CELSR1: variants seen among roughly 807,000 people sequenced by gnomAD.
The protein encoded by CELSR1 is adhesion G protein-coupled receptor C1.
A neutral mutation model predicts 249.1 loss-of-function variants in CELSR1; 110 were observed. That is an observed-to-expected ratio of 0.44 (90% CI 0.38 to 0.52). The LOEUF (loss-of-function observed/expected upper bound fraction) is 0.52. Ranked by LOEUF, CELSR1 falls within the 20% of genes least tolerant of loss-of-function variation. The pLI is 0.00. For synonymous variants in CELSR1, 2,113 were observed against 1,900.0 expected (o/e 1.11, Z -2.92); for missense variants, 4,109 against 4,296.4 (o/e 0.96, Z 1.22).
intron 1 of CELSR1, among the ~76,000 whole-genome samples, chr22:46,498,545 G>A (rs1476261327): frequency 2.6e-5 from 4 of 151,468 alleles, no homozygotes; most frequent in African/African-American, 4.9e-5. Context: ...TCCAGGAGGC[G>A]GAGGTTGTAG....
intron 22 of CELSR1, among the ~76,000 whole-genome samples, chr22:46,379,423 A>C (rs2078953447): frequency 6.6e-6 from 1 of 152,248 alleles, no homozygotes; most frequent in Non-Finnish European, 1.5e-5. Context: ...GTTTGGCACA[A>C]ACTTTACAAT....
chr22:46,369,917 G>A, intron 25 of CELSR1, 113 bp from the exon 26 acceptor site: 1 of 886,638 alleles, frequency 1.1e-6, no homozygotes, highest in Non-Finnish European at 1.8e-6. Flanking sequence ...TCCCTTCTCA[G>A]AGGAAGGAGC....
Position 46,490,539 on chromosome 22 carries a change from C to T in CELSR1, c.3545-26194G>A, listed in dbSNP as rs5767220. The stretch of plus-strand genomic sequence containing the variant: ...TGACCGCAGGCGAGCCGCCCCCCTC[C>T]GCCTCCCAAAATGTTGAGATCAGCC... On this transcript the variant is annotated intron_variant, in intron 1 of 34. Transcript: ENST00000674500. This position sits in a 1 kb window ranked among gnomAD's most constrained non-coding sequence, Gnocchi z 5.2. Among the ~76,000 whole-genome samples the T allele has an allele frequency of 1.3e-5, 2 of 151,804 alleles. No homozygotes were observed. The highest frequency in any genetic ancestry group is 2.0e-4 in the East Asian group (1 of 5,108).
chr22:46,372,970 G>A lies in CELSR1; in HGVS notation c.7672C>T (p.Arg2558Cys), dbSNP rs770996326. The A allele has an allele frequency of 1.1e-5, 18 of 1,613,372 alleles. No homozygotes were observed. Among genetic ancestry groups the A allele is most frequent in the Non-Finnish European group, 1.2e-5 (14 of 1,179,886 alleles). ...WTLVESLHVY[R>C]MLTEVRNIDT... ...ATGTTGCGCACCTCGGTCAGCATGC[G>A]GTAGACATGCAGGCTCTCCACGAGG... Residue 2558 changes from arginine to cysteine, a missense_variant, in exon 25 of 35, where the codon CGC (arginine) becomes TGC (cysteine). By Grantham distance (180) the Arg-to-Cys change is radical (BLOSUM62 -3). This residue lies in a region of CELSR1 where 1,805 missense variants were observed against 1,831.6 expected (regional missense o/e 0.99). Transcript: ENST00000674500.
rs1240915405 is a variant in CELSR1 at position 46,512,453 on chromosome 22, T to C, written c.3544+21174A>G. Among the ~76,000 whole-genome samples, 1 of 152,166 alleles carries C rather than the reference T, an allele frequency of 6.6e-6. No homozygotes were observed. On this transcript the variant is annotated intron_variant, in intron 1 of 34. Transcript: ENST00000674500. This position sits in a 1 kb window ranked among gnomAD's most constrained non-coding sequence, Gnocchi z 5.2. Reference sequence around the variant, plus strand: ...CCGGTGTGGTGGTGTACACCTATAATCCCAGCTACGTAGAAGGCTGAGGCA... The same window carrying C: ...CCGGTGTGGTGGTGTACACCTATAACCCCAGCTACGTAGAAGGCTGAGGCA...
At chr22:46,373,421 C>CA (rs562998164) in intron 24 of CELSR1, among the ~76,000 whole-genome samples, 78 of 123,980 alleles carry the variant, frequency 6.3e-4, no homozygotes, top group African/African-American at 2.1e-3. Context: ...CTGGGCGGGG[C>CA]GGGGGGGCAG....
chr22:46,429,348 C>A lies in CELSR1; in HGVS notation c.4611+4045G>T, dbSNP rs997594601. ...AACCAGCCTTGAGGGAAAAAACAAA[C>A]AAACAAACAAACAAAAAACCAGCCT... On this transcript the variant is annotated intron_variant, in intron 5 of 34. Transcript: ENST00000674500. The surrounding 1 kb of genome is among the most constrained non-coding windows in gnomAD (Gnocchi z 4.1). Among the ~76,000 whole-genome samples, 5 of 152,128 alleles carry A rather than the reference C, an allele frequency of 3.3e-5. No individual in the cohort carries two copies. Among genetic ancestry groups the A allele is most frequent in the Admixed American group, 1.3e-4 (2 of 15,278 alleles).
chr22:46,516,570 C>A (rs1019277490), intron 1 of CELSR1, among the ~76,000 whole-genome samples: 4 of 152,100 alleles, frequency 2.6e-5, no homozygotes, highest in South Asian at 4.2e-4. Flanking sequence ...GAACTCCTGG[C>A]CTCAAGCAAG....
intron 1 of CELSR1, among the ~76,000 whole-genome samples, chr22:46,529,587 G>C (rs1011559645): frequency 6.6e-6 from 1 of 152,010 alleles, no homozygotes; most frequent in Non-Finnish European, 1.5e-5. Context: ...CAGATCACTT[G>C]AGGTCAGGAG....
rs2078979184 is a variant in CELSR1, at chr22:46,381,698, A to G, written c.7088+148T>C. 2.7e-6 allele frequency: 2 copies of G among 739,098 alleles called. No individual in the cohort carries two copies. The highest frequency in any genetic ancestry group is 3.5e-5 in the African/African-American group (2 of 56,486). The allele number at this position is 739,098 out of a possible 1,614,324, so 45.8% of individuals were successfully genotyped here. On this transcript the variant is annotated intron_variant, in intron 21 of 34. Coordinates refer to ENST00000674500, the MANE Select transcript of CELSR1 (RefSeq NM_001378328.1). This position sits in a 1 kb window ranked among gnomAD's most constrained non-coding sequence, Gnocchi z 6.0. ...AGAATCTCCCTCCAAGGACCACCAC[A>G]AGGCAATGGTCTCTGTCTCTGGGCC...
Position 46,517,307 on chromosome 22 carries a change from T to C in CELSR1, c.3544+16320A>G, listed in dbSNP as rs1460429824. ...AAAACAGGAGGGAAGAGAGAATTCC[T>C]GCCACAAATGCAATGGGTTTCCCGG... On this transcript the variant is annotated intron_variant, in intron 1 of 34. Transcript: ENST00000674500. The surrounding 1 kb of genome is among the most constrained non-coding windows in gnomAD (Gnocchi z 5.4). 6.6e-6 allele frequency among the ~76,000 whole-genome samples: 1 copy of C among 152,250 alleles called. No individual in the cohort carries two copies. Among genetic ancestry groups the C allele is most frequent in the Non-Finnish European group, 1.5e-5 (1 of 68,040 alleles).
chr22:46,368,535 G>A lies in CELSR1; in HGVS notation c.7952+644C>T, dbSNP rs542302551. Among the ~76,000 whole-genome samples the A allele has an allele frequency of 1.5e-4, 23 of 151,410 alleles. No individual in the cohort carries two copies. The South Asian group carries it at 4.8e-3, about 32-fold the overall frequency. ...ACTCCTCCTGACACCCAGCCCCTGC[G>A]CAAGCATTATCCCTTCGCCCATCCC... On this transcript the variant is annotated intron_variant, in intron 27 of 34. Transcript: ENST00000674500.
rs1312865139 is a variant in CELSR1 at position 46,536,890 on chromosome 22, G to T, written c.281C>A (p.Ala94Asp). Residue 94 changes from alanine (A) to aspartate (D), a missense_variant, in exon 1 of 35, where the codon GCC becomes GAC. Around this residue, in one of 7 missense-constraint regions of CELSR1, gnomAD observed 673 missense variants for 636.8 expected, o/e 1.06. Transcript: ENST00000674500. Reference sequence around the variant, plus strand: ...GCTCAGCGCCGTCGGGGCACTGCGGGCCACCAAGCGGACTTGCAGCGGCAG... The same window carrying T: ...GCTCAGCGCCGTCGGGGCACTGCGGTCCACCAAGCGGACTTGCAGCGGCAG... ...RPLPLQVRLVARSAPTALSRR... is the reference protein window; with the variant it reads ...RPLPLQVRLVDRSAPTALSRR... 1.1e-5 allele frequency: 13 copies of T among 1,223,128 alleles called. No homozygotes were observed. Among genetic ancestry groups the T allele is most frequent in the African/African-American group, 1.6e-5 (1 of 62,062 alleles). 75.8% of individuals were successfully genotyped at this position (1,223,128 alleles called of 1,614,324 possible).
Position 46,533,718 on chromosome 22 carries a change from C to G in CELSR1, c.3453G>C (p.Leu1151Phe). 1 of 1,612,856 alleles carries G rather than the reference C, an allele frequency of 6.2e-7. No homozygotes were observed. The highest frequency in any genetic ancestry group is 8.5e-7 in the Non-Finnish European group (1 of 1,179,956). The change falls in exon 1 of 35, where the codon TTG (leucine) becomes TTC (phenylalanine). Residue 1151 changes from leucine (L) to phenylalanine (F), a missense_variant. Coordinates refer to ENST00000674500, the MANE Select transcript of CELSR1 (RefSeq NM_001378328.1). ...GTTCGCCCGTGGCGGGGTCCAGCAG[C>G]AACAGGCGCAGCTCGTTGCCCTGCA... ...TFVQGNELRL[L>F]LLDPATGELQ...
rs184666779 is a variant in CELSR1 at position 46,368,804 on chromosome 22, C to A, written c.7952+375G>T. On this transcript the variant is annotated intron_variant, in intron 27 of 34. Coordinates refer to ENST00000674500, the MANE Select transcript of CELSR1 (RefSeq NM_001378328.1). ...ACAGTGGGGTGGGGGGGTCTCCTCCCCTCCAGTGGCCTCAGCAACACCCTC... is the reference window on the plus strand; with the variant it reads ...ACAGTGGGGTGGGGGGGTCTCCTCCACTCCAGTGGCCTCAGCAACACCCTC... 4.3e-3 allele frequency among the ~76,000 whole-genome samples: 656 copies of A among 152,170 alleles called. 3 individuals are homozygous for A. Among genetic ancestry groups the A allele is most frequent in the African/African-American group, 0.015 (632 of 41,518 alleles).
In CELSR1 at chr22:46,384,571, G is replaced by C; in HGVS notation, c.6855C>G (p.Ala2285=). 1 of 1,612,810 alleles carries C rather than the reference G, an allele frequency of 6.2e-7. No homozygotes were observed. The highest frequency in any genetic ancestry group is 1.3e-5 in the African/African-American group (1 of 75,000). The part of the protein sequence containing the change: ...RELESSVSFP[A]DFFRPPEEKE... ...TTTCTTCAGGTGGTCTGAAGAAGTC[G>C]GCTGGGAAGGAGACGGAGGACTCCA... The change falls in exon 20 of 35, where the codon GCC becomes GCG. Residue 2285 remains alanine, a synonymous_variant. Transcript: ENST00000674500.
In CELSR1 at chr22:46,439,369, T is replaced by C. The variant is rs368520173; in HGVS notation, c.4226A>G (p.Asn1409Ser). The change falls in exon 3 of 35, where the codon AAC becomes AGC. Residue 1409 changes from asparagine (N) to serine (S), a missense_variant. Physicochemically the swap from Asn to Ser is conservative, Grantham distance 46 (BLOSUM62 1). Transcript: ENST00000674500. ...GGTGCCCCCGTTCTTGCACACCCCGTTGGCACAGCGGCCTGAGCGGGCATC... is the reference window on the plus strand; with the variant it reads ...GGTGCCCCCGTTCTTGCACACCCCGCTGGCACAGCGGCCTGAGCGGGCATC... ...EVDARSGRCANGVCKNGGTCV... is the reference protein window; with the variant it reads ...EVDARSGRCASGVCKNGGTCV... The C allele has an allele frequency of 1.9e-6, 3 of 1,613,708 alleles. No homozygotes were observed. Among genetic ancestry groups the C allele is most frequent in the African/African-American group, 2.7e-5 (2 of 74,890 alleles).
In CELSR1 at chr22:46,484,524, A is replaced by T. The variant is rs568597102; in HGVS notation, c.3545-20179T>A. ...TACCAGGGAGAGGCTATATTAAGCC[A>T]CTGACCCCTGATAGGGTTAGTGCCT... On this transcript the variant is annotated intron_variant, in intron 1 of 34. Coordinates refer to ENST00000674500, the MANE Select transcript of CELSR1 (RefSeq NM_001378328.1). The surrounding 1 kb of genome is among the most constrained non-coding windows in gnomAD (Gnocchi z 4.5). Among the ~76,000 whole-genome samples the T allele has an allele frequency of 6.6e-6, 1 of 151,344 alleles. No homozygotes were observed. Among genetic ancestry groups the T allele is most frequent in the Non-Finnish European group, 1.5e-5 (1 of 67,918 alleles).
At chr22:46,394,002 G>GTACAA in intron 14 of CELSR1, 140 bp downstream of exon 14, 2 of 1,132,302 alleles carry the variant, frequency 1.8e-6, no homozygotes, top group Non-Finnish European at 2.5e-6. Context: ...ACACAAATGT[G>GTACAA]ATGTGAGTGG....
Sources: gnomAD v4.1 joint callset for allele counts (sites outside exome capture counted in the v4.1 genomes callset) on GRCh38, gnomAD v4.1.1 for gene constraint, gnomAD v4.1.1 regional missense constraint, Gnocchi (gnomAD v3.1) non-coding constraint, MANE v1.5 for transcripts, NCBI Gene and HGNC (gene_info 2026-07-23, HGNC 2026-07-21) for gene names.